Variants in MBTD1 observed in about 807,000 individuals in gnomAD.
MBTD1 encodes the protein MBT domain-containing protein 1.
A neutral mutation model predicts 87.8 loss-of-function variants in MBTD1; 24 were observed. The ratio of observed to expected loss-of-function variants is 0.27; its 90% CI spans 0.20 to 0.38. The LOEUF (loss-of-function observed/expected upper bound fraction) is 0.38. Among genes scored for constraint, MBTD1 ranks in the 10% least tolerant of loss-of-function variants. The pLI is 1.00. For missense variants in MBTD1, 436 were observed against 760.2 expected, an observed-to-expected ratio of 0.57 and a Z score of 5.02; for synonymous variants, 237 against 248.6, an observed-to-expected ratio of 0.95 and a Z score of 0.44.
At chr17:51,242,748 C>T (rs1190063045) in intron 2 of MBTD1, among the ~76,000 whole-genome samples, 3 of 152,144 alleles carry the variant, frequency 2.0e-5, no homozygotes, top group Non-Finnish European at 2.9e-5. Flanking sequence ...TATCACTTTC[C>T]GGTTCATTCT....
intron 16 of MBTD1, among the ~76,000 whole-genome samples, chr17:51,188,733 C>A (rs1406927102): frequency 2.0e-5 from 3 of 149,328 alleles, no homozygotes; most frequent in Non-Finnish European, 4.4e-5. Flanking sequence ...TCCTTATCCT[C>A]AATTCCAACA....
intron 16 of MBTD1, among the ~76,000 whole-genome samples, chr17:51,182,717 T>C (rs192806584): frequency 4.6e-5 from 7 of 152,354 alleles, no homozygotes; most frequent in African/African-American, 1.7e-4. Context: ...TTCATTTTTC[T>C]CTATTATGTA....
Position 51,198,432 on chromosome 17 carries a change from A to G in MBTD1, c.1225-3071T>C, listed in dbSNP as rs138146888. On this transcript the variant is annotated intron_variant, in intron 12 of 16. Coordinates refer to ENST00000586178, the MANE Select transcript of MBTD1 (RefSeq NM_017643.3). ...CAAGTTCCTTTCTCTCGTTATTTCTATATGGTAAACATGTACACTAAATTT... is the reference window on the plus strand; with the variant it reads ...CAAGTTCCTTTCTCTCGTTATTTCTGTATGGTAAACATGTACACTAAATTT... 2.0e-3 allele frequency among the ~76,000 whole-genome samples: 304 copies of G among 152,298 alleles called. 1 individual carries two copies. The highest frequency in any genetic ancestry group is 6.8e-3 in the African/African-American group (283 of 41,564).
At chr17:51,201,760 T>C in intron 11 of MBTD1, 64 bp from the exon 12 acceptor site, 1 of 1,130,142 alleles carries the variant, frequency 8.8e-7, no homozygotes, top group South Asian at 1.3e-5. Flanking sequence ...ATTAAAATAT[T>C]ACCAATGTGA....
intron 3 of MBTD1, among the ~76,000 whole-genome samples, chr17:51,222,176 T>C (rs914879498): frequency 6.6e-6 from 1 of 152,246 alleles, no homozygotes; most frequent in Non-Finnish European, 1.5e-5. Flanking sequence ...TTATTCTGTG[T>C]TGTTCATCTG....
In MBTD1 at chr17:51,191,926, CA is replaced by C. The variant is rs2050835729; in HGVS notation, c.1768+276del. On this transcript the variant is annotated intron_variant, in intron 16 of 16. Coordinates refer to ENST00000586178, the MANE Select transcript of MBTD1 (RefSeq NM_017643.3). The stretch of plus-strand genomic sequence containing the variant: ...AAAGTTTTTAAAAAGGATTAACTTT[CA>C]GTAGGTTTTACATATTATTTCAAGA... 3.7e-5 allele frequency: 13 copies of C among 350,524 alleles called. No individual in the cohort carries two copies. The South Asian group carries it at 4.9e-4, about 13-fold the overall frequency. The allele number at this position is 350,524 out of a possible 1,614,324, so 21.7% of individuals were successfully genotyped here.
chr17:51,257,562 AGAT>A (rs2055164254), intron 2 of MBTD1, among the ~76,000 whole-genome samples: 1 of 152,230 alleles, frequency 6.6e-6, no homozygotes, highest in Non-Finnish European at 1.5e-5. Flanking sequence ...AGAAAGGTTT[AGAT>A]AATAAGGTCA....
At chr17:51,259,722 T>A (rs1279789557) in intron 1 of MBTD1, 113 bp downstream of exon 1, 1 of 1,018,706 alleles carries the variant, frequency 9.8e-7, no homozygotes, top group Non-Finnish European at 1.3e-6. Context: ...GGGCGTGGGA[T>A]GGAGAAGCAG....
intron 3 of MBTD1, 84 bp from the exon 4 acceptor site, chr17:51,220,547 C>A: frequency 7.8e-7 from 1 of 1,288,872 alleles, no homozygotes. Context: ...TTTCTCCTGC[C>A]ATCTGAAAGT....
rs563506135 is a variant in MBTD1 at position 51,209,952 on chromosome 17, G to T, written c.487-2947C>A. Reference sequence around the variant, plus strand: ...TCCTAACTACTTACAGAATTTTCTGGTAGAAAGTAGAAAAAGAAAAGAAAA... The same window carrying T: ...TCCTAACTACTTACAGAATTTTCTGTTAGAAAGTAGAAAAAGAAAAGAAAA... On this transcript the variant is annotated intron_variant, in intron 6 of 16. Transcript: ENST00000586178. Among the ~76,000 whole-genome samples, 10 of 152,222 alleles carry T rather than the reference G, an allele frequency of 6.6e-5. No individual in the cohort carries two copies. The East Asian group carries it at 1.9e-3, about 29-fold the overall frequency.
intron 3 of MBTD1, among the ~76,000 whole-genome samples, chr17:51,224,334 G>T (rs912546359): frequency 6.6e-6 from 1 of 152,332 alleles, no homozygotes; most frequent in Non-Finnish European, 1.5e-5. Flanking sequence ...AAACTAGAAC[G>T]AAGGGTTCTA....
At chr17:51,239,594 C>T (rs938102217) in intron 2 of MBTD1, among the ~76,000 whole-genome samples, 1 of 152,026 alleles carries the variant, frequency 6.6e-6, no homozygotes, top group African/African-American at 2.4e-5. Context: ...GTTTTTTCAC[C>T]TTGGCAATAT....
intron 16 of MBTD1, among the ~76,000 whole-genome samples, chr17:51,191,271 T>C (rs2050796930): frequency 6.6e-6 from 1 of 151,616 alleles, no homozygotes; most frequent in African/African-American, 2.4e-5. Flanking sequence ...TTTTTTTTTT[T>C]TTTTTTCGAG....
At chr17:51,200,775 G>T (rs1024085076) in intron 12 of MBTD1, among the ~76,000 whole-genome samples, 2 of 144,376 alleles carry the variant, frequency 1.4e-5, no homozygotes, top group Non-Finnish European at 3.1e-5. Flanking sequence ...GAGGCAGGAG[G>T]ATCACCTGAG....
At chr17:51,229,286 T>C (rs1029275824) in intron 2 of MBTD1, among the ~76,000 whole-genome samples, 2 of 152,166 alleles carry the variant, frequency 1.3e-5, no homozygotes, top group Non-Finnish European at 2.9e-5. Context: ...TTTCTTTTGC[T>C]ACACAGATAC....
intron 2 of MBTD1, among the ~76,000 whole-genome samples, chr17:51,255,683 T>C (rs1398617379): frequency 6.7e-6 from 1 of 150,192 alleles, no homozygotes; most frequent in East Asian, 1.9e-4. Flanking sequence ...TCAACCTGGG[T>C]CTCCCACCAG....
rs1268141813 is a variant in MBTD1, at chr17:51,178,820, T to C, written c.*1756A>G. ...TTGATGTGATCTGCATTTATGCCCC[T>C]AAAGAGTCAGTATTAAGAAATGGTG... On this transcript the variant is annotated 3_prime_UTR_variant, in exon 17 of 17. Transcript: ENST00000586178. 1 of 152,192 alleles carries C rather than the reference T, an allele frequency of 6.6e-6. No homozygotes were observed. The highest frequency in any genetic ancestry group is 6.5e-5 in the Admixed American group (1 of 15,276). The allele number at this position is 152,192 out of a possible 1,614,324, so 9.4% of individuals were successfully genotyped here.
chr17:51,252,733 C>A (rs1598442169), intron 2 of MBTD1, among the ~76,000 whole-genome samples: 8 of 148,160 alleles, frequency 5.4e-5, no homozygotes, highest in Non-Finnish European at 9.0e-5. Context: ...GACTCTGTCT[C>A]AAAAAAAAAC....
intron 1 of MBTD1, among the ~76,000 whole-genome samples, chr17:51,259,548 G>T (rs2055330650): frequency 6.6e-6 from 1 of 152,082 alleles, no homozygotes; most frequent in African/African-American, 2.4e-5. Flanking sequence ...CAGAGCAGGG[G>T]GCGGGGGCAG....
Sources: gnomAD v4.1 joint callset for allele counts (sites outside exome capture counted in the v4.1 genomes callset) on GRCh38, gnomAD v4.1.1 for gene constraint, MANE v1.5 for transcripts, NCBI Gene and HGNC (gene_info 2026-07-23, HGNC 2026-07-21) for gene names.